The following USH2A variants were observed in gnomAD, a reference collection of about 807,000 sequenced individuals.
USH2A encodes usherin.
A neutral mutation model predicts 538.9 loss-of-function variants in USH2A; 443 were observed. That is an observed-to-expected ratio of 0.82 (90% CI 0.76 to 0.89). USH2A has a LOEUF of 0.89. Ranked by LOEUF, USH2A falls within the 40% of genes least tolerant of loss-of-function variation. The pLI is 0.00. For missense variants in USH2A, 6,633 were observed against 6,324.8 expected (o/e 1.05, Z -1.65); for synonymous variants, 2,413 against 2,273.5 (o/e 1.06, Z -1.75).
At chr1:216,165,028 C>T (rs78902952) in intron 21 of USH2A, among the ~76,000 whole-genome samples, 2,231 of 152,220 alleles carry the variant, frequency 0.015, 61 homozygotes, top group African/African-American at 0.051. Flanking sequence ...GAACCTGCAC[C>T]ATTTACTACA....
chr1:215,995,312 A>G (rs890740308), intron 34 of USH2A, among the ~76,000 whole-genome samples: 1 of 152,206 alleles, frequency 6.6e-6, no homozygotes, highest in African/African-American at 2.4e-5. Flanking sequence ...TTAAGAATGT[A>G]AGGCATTTAT....
chr1:216,167,204 A>T (rs1033208374), intron 21 of USH2A, among the ~76,000 whole-genome samples: 1 of 152,028 alleles, frequency 6.6e-6, no homozygotes, highest in African/African-American at 2.4e-5. Flanking sequence ...TGGCAGTTAG[A>T]CTATGGGCAG....
At chr1:216,279,315 T>C (rs2036728183) in intron 11 of USH2A, among the ~76,000 whole-genome samples, 1 of 152,144 alleles carries the variant, frequency 6.6e-6, no homozygotes, top group Non-Finnish European at 1.5e-5. Flanking sequence ...AATTCAAGCC[T>C]AACTTAATTT....
At chr1:216,283,728 T>C (rs944842975) in intron 11 of USH2A, among the ~76,000 whole-genome samples, 5 of 152,226 alleles carry the variant, frequency 3.3e-5, no homozygotes, top group African/African-American at 9.6e-5. Context: ...TTGCAGACCA[T>C]AAAGACCAAT....
chr1:215,951,966 G>A (rs1485223393), intron 37 of USH2A, among the ~76,000 whole-genome samples: 22 of 151,576 alleles, frequency 1.5e-4, no homozygotes, highest in Admixed American at 5.3e-4. Context: ...CCGGGTTCAC[G>A]CCATTCTCCT....
intron 37 of USH2A, among the ~76,000 whole-genome samples, chr1:215,946,725 G>A (rs1415814667): frequency 6.6e-6 from 1 of 152,130 alleles, no homozygotes; most frequent in Admixed American, 6.6e-5. Context: ...TGGGTAGTAT[G>A]GCTGAGGAGC....
At chr1:215,993,244 T>C in intron 34 of USH2A, 77 bp from the exon 35 acceptor site, 3 of 1,608,582 alleles carry the variant, frequency 1.9e-6, no homozygotes, top group Admixed American at 1.7e-5. Context: ...AGAGAATTCA[T>C]AATAAGAGTT....
chr1:215,727,524 C>G (rs760960067), intron 61 of USH2A, among the ~76,000 whole-genome samples: 2 of 151,930 alleles, frequency 1.3e-5, no homozygotes, highest in Non-Finnish European at 2.9e-5. Flanking sequence ...GTCAGGAGTT[C>G]GAGACTAGCC....
chr1:216,289,236 G>T, intron 11 of USH2A, 44 bp downstream of exon 11: 1 of 1,612,806 alleles, frequency 6.2e-7, no homozygotes. Context: ...TAAGTTTCTG[G>T]CAGACAGAGT....
chr1:215,967,894 T>G (rs1432339235), intron 36 of USH2A, among the ~76,000 whole-genome samples: 1 of 152,106 alleles, frequency 6.6e-6, no homozygotes, highest in Non-Finnish European at 1.5e-5. Flanking sequence ...TCGCATATCA[T>G]CCTTAAGAGT....
rs571975332 is a variant in USH2A at position 215,663,238 on chromosome 1, C to T, written c.14133+7734G>A. On this transcript the variant is annotated intron_variant, in intron 64 of 71. Transcript: ENST00000307340. ...CAGTCTTGAATGAAAGTTTCTCCTT[C>T]TTTTAACTAGTGAGATCCTGGGGGG... Among the ~76,000 whole-genome samples, 10 of 152,242 alleles carry T rather than the reference C, an allele frequency of 6.6e-5. No individual in the cohort carries two copies. The East Asian group carries it at 1.9e-3, about 29-fold the overall frequency.
chr1:216,352,873 G>A (rs574693999), intron 4 of USH2A, among the ~76,000 whole-genome samples: 1 of 152,066 alleles, frequency 6.6e-6, no homozygotes, highest in South Asian at 2.1e-4. Context: ...TAATCACTGA[G>A]GATCAGGATA....
chr1:215,847,648 A>G (rs917360014), intron 44 of USH2A, among the ~76,000 whole-genome samples: 6 of 143,368 alleles, frequency 4.2e-5, no homozygotes, highest in Non-Finnish European at 7.7e-5. Context: ...ATGTCTCAGG[A>G]AAAAAAAAAA....
chr1:216,383,083 C>A (rs2038947423), intron 3 of USH2A, among the ~76,000 whole-genome samples: 1 of 152,038 alleles, frequency 6.6e-6, no homozygotes, highest in Admixed American at 6.6e-5. Context: ...AAGAAAGAAA[C>A]CTGTAAGAAT....
At chr1:215,687,526 T>C (rs1471768744) in intron 61 of USH2A, among the ~76,000 whole-genome samples, 2 of 152,092 alleles carry the variant, frequency 1.3e-5, no homozygotes, top group African/African-American at 2.4e-5. Flanking sequence ...AAATGAACAA[T>C]GATGCTTCAG....
At chr1:216,179,616 T>C (rs2034454601) in intron 20 of USH2A, among the ~76,000 whole-genome samples, 1 of 152,134 alleles carries the variant, frequency 6.6e-6, no homozygotes, top group Non-Finnish European at 1.5e-5. Context: ...AGTTATTCTT[T>C]TCAGAGTTCT....
In USH2A at chr1:215,813,918, A is replaced by G; in HGVS notation, c.9571-14T>C. 1 of 1,613,328 alleles carries G rather than the reference A, an allele frequency of 6.2e-7. No individual in the cohort carries two copies. The highest frequency in any genetic ancestry group is 8.5e-7 in the Non-Finnish European group (1 of 1,179,546). ...GTTACAACAAACCTGAAAGTTTGAA[A>G]ACAGTTTTAAAGAAATATCAGTTTA... On this transcript the variant is annotated splice_polypyrimidine_tract_variant and intron_variant, in intron 48 of 71. Coordinates refer to ENST00000307340, the MANE Select transcript of USH2A (RefSeq NM_206933.4).
chr1:215,655,987 G>C (rs548946555), intron 64 of USH2A, among the ~76,000 whole-genome samples: 1 of 152,054 alleles, frequency 6.6e-6, no homozygotes, highest in African/African-American at 2.4e-5. Context: ...GCCCACCTCC[G>C]CCTCACAAAG....
intron 35 of USH2A, among the ~76,000 whole-genome samples, chr1:215,973,365 T>C (rs1426856876): frequency 6.6e-6 from 1 of 152,172 alleles, no homozygotes; most frequent in Non-Finnish European, 1.5e-5. Flanking sequence ...TTAACCACTT[T>C]TGAAGGAAAT....
Sources: gnomAD v4.1 joint callset for allele counts (sites outside exome capture counted in the v4.1 genomes callset) on GRCh38, gnomAD v4.1.1 for gene constraint, MANE v1.5 for transcripts, NCBI Gene and HGNC (gene_info 2026-07-23, HGNC 2026-07-21) for gene names.